The following FAIM2 variants were observed in gnomAD, a reference collection of about 807,000 sequenced individuals.
The protein encoded by FAIM2 is protein lifeguard 2.
Under a neutral mutation model 47.4 loss-of-function variants are expected in FAIM2, and 27 were observed. That is an observed-to-expected ratio of 0.57 (90% CI 0.42 to 0.78). FAIM2 has a LOEUF of 0.78. Among genes scored for constraint, FAIM2 ranks in the 30% least tolerant of loss-of-function variants. The pLI, the probability that FAIM2 is intolerant of heterozygous loss-of-function variation, is 0.00. For synonymous variants in FAIM2, 156 were observed against 159.3 expected, an observed-to-expected ratio of 0.98 and a Z score of 0.16; for missense variants, 311 against 389.4, an observed-to-expected ratio of 0.80 and a Z score of 1.69.
In FAIM2 at chr12:49,889,090, G is replaced by A. The variant is rs371476320; in HGVS notation, c.747+17C>T. On this transcript the variant is annotated intron_variant, in intron 10 of 11. Coordinates refer to ENST00000320634, the MANE Select transcript of FAIM2 (RefSeq NM_012306.4). ...CCTCCCTCCCCATGGGGCCTGCTGG[G>A]GGACCCAGAGACTCACATATTGGAA... The A allele has an allele frequency of 6.3e-7, 1 of 1,589,160 alleles. No individual in the cohort carries two copies. Among genetic ancestry groups the A allele is most frequent in the African/African-American group, 1.3e-5 (1 of 74,544 alleles).
At chr12:49,877,700 G>A (rs570302557) in intron 11 of FAIM2, among the ~76,000 whole-genome samples, 2 of 55,854 alleles carry the variant, frequency 3.6e-5, no homozygotes, top group Admixed American at 4.4e-4. Flanking sequence ...GGCTGGTCAT[G>A]GTATGTGTGT....
chr12:49,885,406 T>C (rs929516354), intron 11 of FAIM2, among the ~76,000 whole-genome samples: 1 of 152,216 alleles, frequency 6.6e-6, no homozygotes, highest in Admixed American at 6.5e-5. Context: ...CTCCAGGCGC[T>C]GTTGCCCAGA....
intron 11 of FAIM2, among the ~76,000 whole-genome samples, chr12:49,878,143 TGA>T (rs1291738464): frequency 1.6e-5 from 2 of 128,662 alleles, no homozygotes; most frequent in African/African-American, 3.0e-5. Flanking sequence ...AGTGTGCATG[TGA>T]GTGTGTGTAT....
At chr12:49,901,530 G>A (rs1946982371) in intron 1 of FAIM2, 1 of 480,040 alleles carries the variant, frequency 2.1e-6, no homozygotes, top group East Asian at 3.6e-5. Flanking sequence ...GGGGCACATG[G>A]TGGAGCTGGG....
chr12:49,875,179 G>A (rs1228181634), intron 11 of FAIM2, among the ~76,000 whole-genome samples: 3 of 152,176 alleles, frequency 2.0e-5, no homozygotes, highest in African/African-American at 7.2e-5. Context: ...TAAAATAGAA[G>A]GGTTAAAATA....
intron 11 of FAIM2, among the ~76,000 whole-genome samples, chr12:49,871,857 G>A (rs1946705770): frequency 6.6e-6 from 1 of 151,952 alleles, no homozygotes. Flanking sequence ...GCAGAGACGG[G>A]TTTTCTCCAT....
chr12:49,889,062 GC>G, intron 10 of FAIM2, 44 bp downstream of exon 10: 1 of 1,475,010 alleles, frequency 6.8e-7, no homozygotes, highest in Admixed American at 1.9e-5. Context: ...GGCCAGTGGG[GC>G]CCCTCCCTCC....
chr12:49,879,470 ATGTGTATGTGCATGTGAGTGTATG>A (rs1946784223), intron 11 of FAIM2, among the ~76,000 whole-genome samples: 1 of 10,088 alleles, frequency 9.9e-5, no homozygotes, highest in Admixed American at 1.3e-3. Flanking sequence ...GTATATGTGC[ATGTGTATGTGCATGTGAGTGTATG>A]TGTGTATATG....
chr12:49,894,434 T>C (rs1242736147), intron 5 of FAIM2, among the ~76,000 whole-genome samples: 1 of 151,020 alleles, frequency 6.6e-6, no homozygotes, highest in African/African-American at 2.4e-5. Context: ...TGAGAACCAA[T>C]GGAGGGAGGC....
Position 49,878,725 on chromosome 12 carries a change from T to A in FAIM2, c.802-8072A>T, listed in dbSNP as rs115852313. Among the ~76,000 whole-genome samples the A allele has an allele frequency of 4.0e-5, 5 of 126,486 alleles. 1 individual carries two copies. The highest frequency in any genetic ancestry group is 6.6e-5 in the African/African-American group (2 of 30,336). The allele number at this position is 126,486 out of a possible 152,430, so 83.0% of individuals were successfully genotyped here. On this transcript the variant is annotated intron_variant, in intron 11 of 11. Coordinates refer to ENST00000320634, the MANE Select transcript of FAIM2 (RefSeq NM_012306.4). ...ATGTGTGCATATATGCGTGTGTGTCTGTGTGCATGTGAGTGTATATGCATA... is the reference window on the plus strand; with the variant it reads ...ATGTGTGCATATATGCGTGTGTGTCAGTGTGCATGTGAGTGTATATGCATA...
chr12:49,892,399 C>T (rs297926), intron 5 of FAIM2, among the ~76,000 whole-genome samples: 2,444 of 152,208 alleles, frequency 0.016, 58 homozygotes, highest in African/African-American at 0.055. Context: ...CTTGCAGCCA[C>T]GCTTCTTGAA....
chr12:49,896,116 C>T (rs1480549341), intron 5 of FAIM2, among the ~76,000 whole-genome samples: 1 of 152,164 alleles, frequency 6.6e-6, no homozygotes, highest in Non-Finnish European at 1.5e-5. Context: ...CTCCCCTCTC[C>T]GAATGCTGCA....
In FAIM2 at chr12:49,895,420, G is replaced by A. The variant is rs549308097; in HGVS notation, c.434+1611C>T. Among the ~76,000 whole-genome samples the A allele has an allele frequency of 7.9e-5, 12 of 152,166 alleles. No individual in the cohort carries two copies. The South Asian group carries it at 1.9e-3, about 24-fold the overall frequency. On this transcript the variant is annotated intron_variant, in intron 5 of 11. Coordinates refer to ENST00000320634, the MANE Select transcript of FAIM2 (RefSeq NM_012306.4). ...TGCCACCACCTGCTCAGAGCATAGAGTCCCACAGACCCTCCTCCAGAAGGC... is the reference window on the plus strand; with the variant it reads ...TGCCACCACCTGCTCAGAGCATAGAATCCCACAGACCCTCCTCCAGAAGGC...
At chr12:49,885,603 G>C (rs1946855503) in intron 11 of FAIM2, among the ~76,000 whole-genome samples, 2 of 152,200 alleles carry the variant, frequency 1.3e-5, no homozygotes, top group Non-Finnish European at 2.9e-5. Flanking sequence ...CAAGAAGTGG[G>C]GCTTTCAGTG....
chr12:49,902,409 A>C (rs1320051330), intron 1 of FAIM2: 1 of 152,392 alleles, frequency 6.6e-6, no homozygotes, highest in South Asian at 2.1e-4. Context: ...CTTTGCAGGG[A>C]GCATCTGGCT....
rs149917238 is a variant in FAIM2 at position 49,878,742 on chromosome 12, A to G, written c.802-8089T>C. Among the ~76,000 whole-genome samples the G allele has an allele frequency of 4.0e-3, 463 of 114,454 alleles. 48 individuals are homozygous for G. The highest frequency in any genetic ancestry group is 0.017 in the African/African-American group (432 of 26,124). 75.1% of individuals were successfully genotyped at this position (114,454 alleles called of 152,430 possible). A position where few individuals can be genotyped will look rare whatever the true frequency, so the allele number is the denominator to read the frequency against. On this transcript the variant is annotated intron_variant, in intron 11 of 11. Coordinates refer to ENST00000320634, the MANE Select transcript of FAIM2 (RefSeq NM_012306.4). ...TGTGTGTCTGTGTGCATGTGAGTGT[A>G]TATGCATATGTGTATATATTTATTT...
At position 49,891,245 on chromosome 12, in the gene FAIM2, G is replaced by A. The variant is rs532607963; in HGVS notation, c.435-131C>T. ...AGGAGGGACAGGATGGGGAGGCCAC[G>A]GTCATCCTAGAACCTGGCAGTGGGC... is the stretch of plus-strand genomic sequence containing the variant. On this transcript the variant is annotated intron_variant, in intron 5 of 11. Coordinates refer to ENST00000320634, the MANE Select transcript of FAIM2 (RefSeq NM_012306.4). The A allele has an allele frequency of 1.5e-4, 121 of 790,474 alleles. No individual in the cohort carries two copies. The African/African-American group carries it at 1.7e-3, about 11-fold the overall frequency. The allele number at this position is 790,474 out of a possible 1,614,324, so 49.0% of individuals were successfully genotyped here.
At chr12:49,896,305 G>A (rs970727163) in intron 5 of FAIM2, among the ~76,000 whole-genome samples, 1 of 152,176 alleles carries the variant, frequency 6.6e-6, no homozygotes, top group Non-Finnish European at 1.5e-5. Context: ...AGGAGGATCA[G>A]AATCACCTAC....
Position 49,880,616 on chromosome 12 carries a change from G to T in FAIM2, c.801+6770C>A, listed in dbSNP as rs1946814514. 4.6e-5 allele frequency among the ~76,000 whole-genome samples: 4 copies of T among 86,876 alleles called. No homozygotes were observed. The South Asian group carries it at 1.6e-3, about 34-fold the overall frequency. 57.0% of individuals were successfully genotyped at this position (86,876 alleles called of 152,430 possible). On this transcript the variant is annotated intron_variant, in intron 11 of 11. Transcript: ENST00000320634. ...CATGTGTATGTGTGTGCATGTGAGTGTATGTGCATGTGTGTATATATATGC... is the reference window on the plus strand; with the variant it reads ...CATGTGTATGTGTGTGCATGTGAGTTTATGTGCATGTGTGTATATATATGC...
Sources: gnomAD v4.1 joint callset for allele counts (sites outside exome capture counted in the v4.1 genomes callset) on GRCh38, gnomAD v4.1.1 for gene constraint, MANE v1.5 for transcripts, NCBI Gene and HGNC (gene_info 2026-07-23, HGNC 2026-07-21) for gene names.